DNAH8: variants seen among roughly 807,000 people sequenced by gnomAD.
DNAH8 encodes the protein axonemal beta dynein heavy chain 8.
Under a neutral mutation model 562.1 loss-of-function variants are expected in DNAH8, and 382 were observed. That is an observed-to-expected ratio of 0.68 (90% CI 0.63 to 0.74). DNAH8 has a LOEUF of 0.74. Among genes scored for constraint, DNAH8 ranks in the 30% least tolerant of loss-of-function variants. The pLI, the probability that DNAH8 is intolerant of heterozygous loss-of-function variation, is 0.00. For synonymous variants in DNAH8, 1,881 were observed against 1,919.4 expected (o/e 0.98, Z 0.52); for missense variants, 5,203 against 5,620.4 (o/e 0.93, Z 2.37).
intron 22 of DNAH8, 104 bp from the exon 23 acceptor site, chr6:38,805,377 A>G: frequency 1.4e-6 from 1 of 696,972 alleles, no homozygotes; most frequent in South Asian, 1.6e-5. Flanking sequence ...TTTTAAAAGT[A>G]AGAGCTTTTT....
At chr6:38,802,693 A>G (rs1770889859) in intron 21 of DNAH8, among the ~76,000 whole-genome samples, 1 of 152,212 alleles carries the variant, frequency 6.6e-6, no homozygotes, top group Non-Finnish European at 1.5e-5. Context: ...TCACCCCATT[A>G]CTCATCCCAA....
intron 82 of DNAH8, among the ~76,000 whole-genome samples, chr6:38,963,493 T>C (rs1475774985): frequency 1.5e-5 from 2 of 130,854 alleles, no homozygotes; most frequent in South Asian, 5.7e-4. Context: ...GCCTCCCAAG[T>C]AGCTGGGATT....
chr6:38,937,584 C>T (rs938993292), intron 77 of DNAH8, among the ~76,000 whole-genome samples: 3 of 152,028 alleles, frequency 2.0e-5, no homozygotes, highest in African/African-American at 2.4e-5. Context: ...AGACAAGCAG[C>T]GTGGACAAGC....
At chr6:38,850,478 C>A (rs1775652070) in intron 38 of DNAH8, 64 bp downstream of exon 38, 2 of 1,397,688 alleles carry the variant, frequency 1.4e-6, no homozygotes, top group South Asian at 2.6e-5. Flanking sequence ...CCCAAACTTA[C>A]TAGTATTGAC....
At chr6:38,942,331 A>C (rs1390807491) in intron 79 of DNAH8, among the ~76,000 whole-genome samples, 1 of 152,182 alleles carries the variant, frequency 6.6e-6, no homozygotes, top group East Asian at 1.9e-4. Context: ...GGCACATATG[A>C]CATAGAAAGG....
chr6:38,814,264 TG>T, intron 25 of DNAH8, 135 bp downstream of exon 25: 1 of 618,328 alleles, frequency 1.6e-6, no homozygotes, highest in South Asian at 2.1e-5. Flanking sequence ...AAATTGGAAA[TG>T]TCATTTATAT....
chr6:38,788,639 A>G (rs1385580873), intron 18 of DNAH8, among the ~76,000 whole-genome samples: 2 of 152,024 alleles, frequency 1.3e-5, no homozygotes, highest in African/African-American at 4.8e-5. Context: ...GTATTTGTCT[A>G]TTTTTTTAGT....
At chr6:38,818,031 C>A (rs1471346294) in intron 26 of DNAH8, among the ~76,000 whole-genome samples, 1 of 152,050 alleles carries the variant, frequency 6.6e-6, no homozygotes, top group Non-Finnish European at 1.5e-5. Flanking sequence ...GAATTTTAGA[C>A]ATGGATTTTA....
At chr6:39,009,301 TAAA>T (rs66901983) in intron 89 of DNAH8, among the ~76,000 whole-genome samples, 59 of 148,682 alleles carry the variant, frequency 4.0e-4, no homozygotes, top group East Asian at 4.0e-4. Flanking sequence ...TAAGCTGTGC[TAAA>T]AAAAAAAAAA....
At chr6:38,777,534 G>A (rs1032397313) in intron 13 of DNAH8, among the ~76,000 whole-genome samples, 2 of 152,160 alleles carry the variant, frequency 1.3e-5, no homozygotes, top group Non-Finnish European at 2.9e-5. Context: ...GCAAAGAATG[G>A]TTCAGTTCCA....
chr6:38,795,546 C>T (rs1161568654), intron 21 of DNAH8, among the ~76,000 whole-genome samples: 1 of 151,082 alleles, frequency 6.6e-6, no homozygotes, highest in African/African-American at 2.4e-5. Flanking sequence ...CACCACTGCA[C>T]TCCAGCCTGG....
In DNAH8 at chr6:38,723,182, A is replaced by G; in HGVS notation, c.373A>G (p.Thr125Ala). ...GAGTGGCCTTCCCAATCTACAGGAA[A>G]CATTAAAAGAGAGACAGGTTTGCTT... ...SMSGLPNLQE[T>A]LKERQARFRE... Residue 125 changes from threonine to alanine, a missense_variant, in exon 2 of 93, where the codon ACA becomes GCA. By Grantham distance (58) the Thr-to-Ala change is moderately conservative. Transcript: ENST00000327475. 4 of 1,609,024 alleles carry G rather than the reference A, an allele frequency of 2.5e-6. No homozygotes were observed. The highest frequency in any genetic ancestry group is 3.4e-6 in the Non-Finnish European group (4 of 1,178,562).
chr6:39,020,618 A>T (rs1441928178), intron 91 of DNAH8, among the ~76,000 whole-genome samples: 2 of 152,150 alleles, frequency 1.3e-5, no homozygotes, highest in Non-Finnish European at 2.9e-5. Context: ...TGCACCTATC[A>T]TCTAGGTTTT....
At chr6:38,965,502 A>T (rs563927330) in intron 82 of DNAH8, among the ~76,000 whole-genome samples, 3 of 152,232 alleles carry the variant, frequency 2.0e-5, no homozygotes, top group African/African-American at 7.2e-5. Context: ...TAATGTGAAC[A>T]TATATTATTT....
intron 8 of DNAH8, among the ~76,000 whole-genome samples, chr6:38,747,628 G>A (rs1191242910): frequency 6.6e-6 from 1 of 152,090 alleles, no homozygotes; most frequent in East Asian, 1.9e-4. Flanking sequence ...CTCGTGATCT[G>A]CCCGCCTTGG....
At chr6:38,741,414 C>T (rs772951371) in intron 7 of DNAH8, among the ~76,000 whole-genome samples, 1 of 151,212 alleles carries the variant, frequency 6.6e-6, no homozygotes, top group Non-Finnish European at 1.5e-5. Flanking sequence ...AAACAACAAA[C>T]ATACAAACAA....
At chr6:39,012,152 G>C in intron 89 of DNAH8, 63 bp from the exon 90 acceptor site, 1 of 1,198,872 alleles carries the variant, frequency 8.3e-7, no homozygotes, top group East Asian at 2.3e-5. Flanking sequence ...GAAAGAAGAG[G>C]TTATTGGAAG....
chr6:38,876,449 A>G (rs988900940), intron 53 of DNAH8, among the ~76,000 whole-genome samples: 1 of 152,212 alleles, frequency 6.6e-6, no homozygotes, highest in East Asian at 1.9e-4. Context: ...AAAAACAGCA[A>G]TAGTCTTTTG....
intron 8 of DNAH8, among the ~76,000 whole-genome samples, chr6:38,749,464 C>G (rs1765235599): frequency 6.7e-6 from 1 of 149,288 alleles, no homozygotes; most frequent in Non-Finnish European, 1.5e-5. Flanking sequence ...ATAGGGGCAG[C>G]AAACCACCAT....
Sources: allele counts gnomAD v4.1 joint callset (sites outside exome capture counted in the v4.1 genomes callset), GRCh38; gene constraint gnomAD v4.1.1; transcripts MANE v1.5; gene names NCBI Gene and HGNC (gene_info 2026-07-23, HGNC 2026-07-21).